The following EHMT1 variants were observed in gnomAD, a reference collection of about 807,000 sequenced individuals.
EHMT1 encodes the protein histone-lysine N-methyltransferase EHMT1.
Under a neutral mutation model 147.2 loss-of-function variants are expected in EHMT1, and 15 were observed. The ratio of observed to expected loss-of-function variants is 0.10; its 90% CI spans 0.07 to 0.16. The LOEUF (loss-of-function observed/expected upper bound fraction) is 0.16, where lower values mean the gene tolerates loss of function less well. Ranked by LOEUF, EHMT1 falls within the 10% of genes least tolerant of loss-of-function variation. EHMT1 has a pLI of 1.00. For missense variants in EHMT1, 1,587 were observed against 1,772.4 expected, an observed-to-expected ratio of 0.90 and a Z score of 1.88; for synonymous variants, 795 against 709.6, an observed-to-expected ratio of 1.12 and a Z score of -1.91.
At chr9:137,717,494 C>T (rs1241844016) in intron 3 of EHMT1, among the ~76,000 whole-genome samples, 1 of 151,266 alleles carries the variant, frequency 6.6e-6, no homozygotes, top group Non-Finnish European at 1.5e-5. Flanking sequence ...CCTGTAGTCC[C>T]AGCTACTCAG....
At chr9:137,830,336 T>C (rs1190653816) in intron 25 of EHMT1, among the ~76,000 whole-genome samples, 2 of 152,196 alleles carry the variant, frequency 1.3e-5, no homozygotes, top group East Asian at 3.8e-4. Flanking sequence ...GAGAAAGATT[T>C]TTAGACACTG....
Position 137,818,086 on chromosome 9 carries a change from C to T in EHMT1, c.3488C>T (p.Ser1163Leu), listed in dbSNP as rs1233778317. Residue 1163 changes from serine (S) to leucine (L), a missense_variant, in exon 25 of 27, where the codon TCA becomes TTA. Ser to Leu is a moderately radical substitution (Grantham distance 145). Around this residue, in one of 7 missense-constraint regions of EHMT1, gnomAD observed 156 missense variants for 252.5 expected, o/e 0.62. Transcript: ENST00000460843. ...CEYVGELISD[S>L]EADVREEDSY... ...TATGTTGGGGAGCTGATTTCAGACT[C>T]AGAAGCCGACGTTCGAGAGGAAGAT... is the stretch of plus-strand genomic sequence containing the variant. 4.3e-6 allele frequency: 7 copies of T among 1,614,082 alleles called. No homozygotes were observed. Among genetic ancestry groups the T allele is most frequent in the East Asian group, 2.2e-5 (1 of 44,898 alleles).
In EHMT1 at chr9:137,745,023, T is replaced by C. The variant is rs545869841; in HGVS notation, c.1170+933T>C. Among the ~76,000 whole-genome samples, 3 of 152,364 alleles carry C rather than the reference T, an allele frequency of 2.0e-5. No homozygotes were observed. In the East Asian group the frequency reaches 5.8e-4, roughly 29 times the overall value. On this transcript the variant is annotated intron_variant, in intron 6 of 26. Coordinates refer to ENST00000460843, the MANE Select transcript of EHMT1 (RefSeq NM_024757.5). ...TGGAAAGTTAAGAATCAAGTTGACA[T>C]GCAAATCTGTGGTTTATTGTTCGAG... is the stretch of plus-strand genomic sequence containing the variant.
At chr9:137,681,944 T>G (rs7871045) in intron 1 of EHMT1, among the ~76,000 whole-genome samples, 5 of 150,720 alleles carry the variant, frequency 3.3e-5, no homozygotes, top group Admixed American at 1.3e-4. Flanking sequence ...GGTTTTTGTG[T>G]TTTTTTGTTT....
chr9:137,745,424 A>C (rs1397485933), intron 6 of EHMT1: 3 of 398,182 alleles, frequency 7.5e-6, no homozygotes, highest in Non-Finnish European at 1.3e-5. Context: ...AGGATTTAAA[A>C]ATTTTTTATT....
chr9:137,832,277 C>A (rs1401283203), intron 25 of EHMT1, among the ~76,000 whole-genome samples: 12 of 142,300 alleles, frequency 8.4e-5, no homozygotes, highest in Non-Finnish European at 1.7e-4. Context: ...CCCCGCTTCC[C>A]ACGTGGCCTC....
chr9:137,812,166 C>T (rs1209696789), intron 19 of EHMT1, among the ~76,000 whole-genome samples: 4 of 152,212 alleles, frequency 2.6e-5, no homozygotes, highest in Non-Finnish European at 5.9e-5. Flanking sequence ...TGGTGAAACC[C>T]CATCTCTACT....
intron 7 of EHMT1, among the ~76,000 whole-genome samples, chr9:137,753,225 G>A (rs1249179720): frequency 1.3e-5 from 2 of 152,134 alleles, no homozygotes; most frequent in East Asian, 1.9e-4. Context: ...AGTGGCTCAC[G>A]GTGTGGGCTC....
At chr9:137,712,180 G>A (rs1944799270) in intron 2 of EHMT1, among the ~76,000 whole-genome samples, 1 of 152,102 alleles carries the variant, frequency 6.6e-6, no homozygotes, top group Non-Finnish European at 1.5e-5. Flanking sequence ...TCTTCTGTTG[G>A]CTCCAGTGCC....
At chr9:137,824,212 C>G (rs1955655183) in intron 25 of EHMT1, among the ~76,000 whole-genome samples, 1 of 152,196 alleles carries the variant, frequency 6.6e-6, no homozygotes, top group Admixed American at 6.5e-5. Flanking sequence ...GTGATCGAGC[C>G]ACTGCACTCC....
chr9:137,651,378 A>C (rs1031121251), intron 1 of EHMT1, among the ~76,000 whole-genome samples: 7 of 152,208 alleles, frequency 4.6e-5, no homozygotes, highest in African/African-American at 1.7e-4. Flanking sequence ...TGAGTTTTAC[A>C]GTTTTAGCTC....
chr9:137,694,875 T>A (rs1943267285), intron 1 of EHMT1, among the ~76,000 whole-genome samples: 1 of 152,194 alleles, frequency 6.6e-6, no homozygotes, highest in Admixed American at 6.5e-5. Flanking sequence ...AGAATTGTAC[T>A]CTCGGTCTTG....
At position 137,782,187 on chromosome 9, in the gene EHMT1, G is replaced by T. The variant is rs1188946821; in HGVS notation, c.2276-104G>T. 4.5e-6 allele frequency: 5 copies of T among 1,119,290 alleles called. No homozygotes were observed. The highest frequency in any genetic ancestry group is 6.6e-6 in the Non-Finnish European group (5 of 761,116). 69.3% of individuals were successfully genotyped at this position (1,119,290 alleles called of 1,614,324 possible). A position where few individuals can be genotyped will look rare whatever the true frequency, so the allele number is the denominator to read the frequency against. On this transcript the variant is annotated intron_variant, in intron 14 of 26. Coordinates refer to ENST00000460843, the MANE Select transcript of EHMT1 (RefSeq NM_024757.5). This position sits in a 1 kb window ranked among gnomAD's most constrained non-coding sequence, Gnocchi z 5.7. The stretch of plus-strand genomic sequence containing the variant: ...GGCGTGGCTCGAGGTGGCTGTTTAT[G>T]TGGAGGATGGTCATTTGTGAGTGCT...
rs117710040 is a variant in EHMT1 at position 137,794,720 on chromosome 9, C to T, written c.2505+3750C>T. On this transcript the variant is annotated intron_variant, in intron 16 of 26. Transcript: ENST00000460843. ...AGACAGACAACGTTATGAAATATTA[C>T]TGACTTCTCATTTGAAACCAGGGAG... is the stretch of plus-strand genomic sequence containing the variant. 1.2e-3 allele frequency among the ~76,000 whole-genome samples: 175 copies of T among 150,720 alleles called. 3 individuals are homozygous for T. The East Asian group carries it at 0.031, about 27-fold the overall frequency.
intron 16 of EHMT1, 64 bp from the exon 17 acceptor site, chr9:137,798,749 C>G: frequency 7.2e-7 from 1 of 1,380,810 alleles, no homozygotes. Flanking sequence ...GGATCCCGCA[C>G]TCAGGGCTGG....
chr9:137,796,030 C>T (rs968855391), intron 16 of EHMT1, among the ~76,000 whole-genome samples: 21 of 152,250 alleles, frequency 1.4e-4, no homozygotes, highest in Non-Finnish European at 1.0e-4. Flanking sequence ...GCTGCAGACT[C>T]GCTCTCATCC....
chr9:137,656,338 C>A (rs1213739559), intron 1 of EHMT1, among the ~76,000 whole-genome samples: 5 of 152,118 alleles, frequency 3.3e-5, no homozygotes, highest in Non-Finnish European at 5.9e-5. Flanking sequence ...TGAGTTGGCA[C>A]CATTGCACTC....
rs546917285 is a variant in EHMT1, at chr9:137,810,967, C to T, written c.2713-494C>T. Among the ~76,000 whole-genome samples the T allele has an allele frequency of 2.6e-5, 4 of 152,300 alleles. No homozygotes were observed. In the South Asian group the frequency reaches 8.3e-4, roughly 32 times the overall value. ...CTACCTGCCTTTGCCTCCCAAAATG[C>T]TGGGATTACAGGCGTGAGCCACCAT... On this transcript the variant is annotated intron_variant, in intron 18 of 26. Coordinates refer to ENST00000460843, the MANE Select transcript of EHMT1 (RefSeq NM_024757.5).
rs963833908 is a variant in EHMT1, at chr9:137,752,500, T to C, written c.1248+92T>C. On this transcript the variant is annotated intron_variant, in intron 7 of 26. Coordinates refer to ENST00000460843, the MANE Select transcript of EHMT1 (RefSeq NM_024757.5). Reference sequence around the variant, plus strand: ...TCAGTTCTTTACCCAACAACCCTTGTTGCCTGAGCGCTCACCCATGTGCTT... The same window carrying C: ...TCAGTTCTTTACCCAACAACCCTTGCTGCCTGAGCGCTCACCCATGTGCTT... The C allele has an allele frequency of 3.4e-6, 5 of 1,451,038 alleles. No homozygotes were observed. The African/African-American group carries it at 5.6e-5, about 16-fold the overall frequency. 89.9% of individuals were successfully genotyped at this position (1,451,038 alleles called of 1,614,324 possible).
Sources: allele counts gnomAD v4.1 joint callset (sites outside exome capture counted in the v4.1 genomes callset), GRCh38; gene constraint gnomAD v4.1.1; regional missense constraint gnomAD v4.1.1; non-coding constraint Gnocchi (gnomAD v3.1); transcripts MANE v1.5; gene names NCBI Gene and HGNC (gene_info 2026-07-23, HGNC 2026-07-21).